The following KIAA0825 variants were observed in gnomAD, a reference collection of about 807,000 sequenced individuals.
KIAA0825 encodes KIAA0825, also known as uncharacterized protein KIAA0825.
In KIAA0825, 119 loss-of-function variants were observed where a neutral mutation model predicts 147.6. The ratio of observed to expected loss-of-function variants is 0.81; its 90% CI spans 0.69 to 0.94. The LOEUF (loss-of-function observed/expected upper bound fraction) is 0.94. Ranked by LOEUF, KIAA0825 falls within the 40% of genes least tolerant of loss-of-function variation. The pLI is 0.00. For missense variants in KIAA0825, 1,381 were observed against 1,472.7 expected (o/e 0.94, Z 1.02); for synonymous variants, 470 against 518.1 (o/e 0.91, Z 1.26).
At chr5:94,224,082 CTTTTTTTTTTTTTTTTT>C (rs869059424) in intron 20 of KIAA0825, among the ~76,000 whole-genome samples, 5 of 56,438 alleles carry the variant, frequency 8.9e-5, no homozygotes, top group African/African-American at 3.4e-4. Context: ...TTTTTCTTTT[CTTTTTTTTTTTTTTTTT>C]TTTTTTTTTT....
chr5:94,567,167 C>T (rs1301051776), intron 2 of KIAA0825, among the ~76,000 whole-genome samples: 1 of 152,104 alleles, frequency 6.6e-6, no homozygotes, highest in African/African-American at 2.4e-5. Flanking sequence ...GAGTGCTTAT[C>T]ATTGTTCAAT....
Position 94,499,442 on chromosome 5 carries a change from C to T in KIAA0825, c.971-14512G>A, listed in dbSNP as rs79756735. On this transcript the variant is annotated intron_variant, in intron 5 of 20. Coordinates refer to ENST00000682413, the MANE Select transcript of KIAA0825 (RefSeq NM_001145678.3). ...GCTCCTGCCCACCCTGCAACCAACA[C>T]GGTTCCATTTCATCTTGATCATCCT... Among the ~76,000 whole-genome samples, 629 of 152,264 alleles carry T rather than the reference C, an allele frequency of 4.1e-3. 3 individuals are homozygous for T. Among genetic ancestry groups the T allele is most frequent in the African/African-American group, 0.014 (591 of 41,540 alleles).
At chr5:94,277,651 T>A (rs1396473774) in intron 20 of KIAA0825, among the ~76,000 whole-genome samples, 1 of 152,210 alleles carries the variant, frequency 6.6e-6, no homozygotes, top group South Asian at 2.1e-4. Flanking sequence ...GCTTTTACAC[T>A]GTTGGTGGGA....
chr5:94,232,669 G>T (rs1002805536), intron 20 of KIAA0825, among the ~76,000 whole-genome samples: 1 of 151,978 alleles, frequency 6.6e-6, no homozygotes. Flanking sequence ...AGACACTTTT[G>T]TAATTGATAT....
At chr5:94,393,706 C>G (rs1554270672) in intron 17 of KIAA0825, among the ~76,000 whole-genome samples, 1 of 152,126 alleles carries the variant, frequency 6.6e-6, no homozygotes, top group Non-Finnish European at 1.5e-5. Context: ...CTACCTAATA[C>G]AGGCATCATG....
At chr5:94,528,242 T>C (rs1769748613) in intron 3 of KIAA0825, among the ~76,000 whole-genome samples, 1 of 152,226 alleles carries the variant, frequency 6.6e-6, no homozygotes. Context: ...TCATTGGTCA[T>C]CGGGACTATA....
intron 2 of KIAA0825, among the ~76,000 whole-genome samples, chr5:94,541,259 C>T (rs114617860): frequency 1.3e-5 from 2 of 152,246 alleles, no homozygotes; most frequent in Non-Finnish European, 2.9e-5. Flanking sequence ...GGGTCCCAGG[C>T]TCCACACCTA....
chr5:94,247,475 T>C (rs1775689416), intron 20 of KIAA0825, among the ~76,000 whole-genome samples: 1 of 152,124 alleles, frequency 6.6e-6, no homozygotes, highest in Non-Finnish European at 1.5e-5. Flanking sequence ...AAATGAGGCA[T>C]GTGCAGACCT....
In KIAA0825 at chr5:94,178,770, T is replaced by C. The variant is rs147569173; in HGVS notation, c.3711-24646A>G. Among the ~76,000 whole-genome samples the C allele has an allele frequency of 7.9e-5, 12 of 152,156 alleles. No individual in the cohort carries two copies. The East Asian group carries it at 2.3e-3, about 29-fold the overall frequency. ...TTTGGCCATGTATTAAAAAGTTAAATATACACCTACCATATCACCCAGTTA... is the reference window on the plus strand; with the variant it reads ...TTTGGCCATGTATTAAAAAGTTAAACATACACCTACCATATCACCCAGTTA... On this transcript the variant is annotated intron_variant, in intron 20 of 20. Coordinates refer to ENST00000682413, the MANE Select transcript of KIAA0825 (RefSeq NM_001145678.3).
chr5:94,488,114 G>T (rs1451865085), intron 5 of KIAA0825, among the ~76,000 whole-genome samples: 1 of 152,194 alleles, frequency 6.6e-6, no homozygotes, highest in Non-Finnish European at 1.5e-5. Flanking sequence ...AGTAGAGACG[G>T]TATTTCTCCA....
At chr5:94,560,765 T>C (rs1777407646) in intron 2 of KIAA0825, among the ~76,000 whole-genome samples, 1 of 152,214 alleles carries the variant, frequency 6.6e-6, no homozygotes, top group Non-Finnish European at 1.5e-5. Flanking sequence ...GATTTGGACA[T>C]TATTTCTTGC....
chr5:94,423,106 A>C (rs1754410182), intron 14 of KIAA0825, among the ~76,000 whole-genome samples: 1 of 152,262 alleles, frequency 6.6e-6, no homozygotes, highest in African/African-American at 2.4e-5. Context: ...TATTAGGGTA[A>C]GCTCTGCCAC....
Position 94,580,922 on chromosome 5 carries a change from T to A in KIAA0825, c.-2+1511A>T, listed in dbSNP as rs1005934365. 1.6e-3 allele frequency among the ~76,000 whole-genome samples: 165 copies of A among 100,482 alleles called. 14 individuals carry two copies. Among genetic ancestry groups the A allele is most frequent in the East Asian group, 8.5e-3 (25 of 2,930 alleles). 65.9% of individuals were successfully genotyped at this position (100,482 alleles called of 152,430 possible). A position where few individuals can be genotyped will look rare whatever the true frequency, so the allele number is the denominator to read the frequency against. ...AAAAAAAAAAAAAAAAAAAAAAAAATGCATAACACATAAGATTTTACTTTC... is the reference window on the plus strand; with the variant it reads ...AAAAAAAAAAAAAAAAAAAAAAAAAAGCATAACACATAAGATTTTACTTTC... On this transcript the variant is annotated intron_variant, in intron 2 of 20. Coordinates refer to ENST00000682413, the MANE Select transcript of KIAA0825 (RefSeq NM_001145678.3).
intron 20 of KIAA0825, among the ~76,000 whole-genome samples, chr5:94,374,103 C>T (rs926090197): frequency 3.9e-5 from 6 of 152,218 alleles, no homozygotes; most frequent in Non-Finnish European, 8.8e-5. Flanking sequence ...AAAGAATGTA[C>T]TCTATACAAG....
chr5:94,198,312 T>C (rs1322937757), intron 20 of KIAA0825, among the ~76,000 whole-genome samples: 1 of 152,172 alleles, frequency 6.6e-6, no homozygotes, highest in Non-Finnish European at 1.5e-5. Flanking sequence ...TGATTTTGTA[T>C]CCTGAATCTT....
intron 3 of KIAA0825, among the ~76,000 whole-genome samples, chr5:94,524,980 G>T (rs1044827615): frequency 7.9e-5 from 12 of 151,722 alleles, no homozygotes; most frequent in Non-Finnish European, 1.8e-4. Context: ...ATCTTTGTGG[G>T]GTAAACTGGT....
rs1584751520 is a variant in KIAA0825, at chr5:94,516,805, A to C, written c.970+3443T>G. Among the ~76,000 whole-genome samples the C allele has an allele frequency of 2.0e-5, 3 of 150,172 alleles. No homozygotes were observed. The East Asian group carries it at 5.9e-4, about 29-fold the overall frequency. On this transcript the variant is annotated intron_variant, in intron 5 of 20. Transcript: ENST00000682413. Reference sequence around the variant, plus strand: ...ACTCCGTCTCAAAAAAAAAAAAAAAAGAAAAGAAAACGTGGCCAGGCACGG... The same window carrying C: ...ACTCCGTCTCAAAAAAAAAAAAAAACGAAAAGAAAACGTGGCCAGGCACGG...
Position 94,219,204 on chromosome 5 carries a change from G to A in KIAA0825, c.3711-65080C>T, listed in dbSNP as rs1242191232. Among the ~76,000 whole-genome samples the A allele has an allele frequency of 2.0e-5, 3 of 152,052 alleles. No homozygotes were observed. The East Asian group carries it at 5.8e-4, about 29-fold the overall frequency. On this transcript the variant is annotated intron_variant, in intron 20 of 20. Transcript: ENST00000682413. ...TATATACATGTATATATTATTACGT[G>A]TAATATATACAGTGACAGATCATCA...
intron 13 of KIAA0825, among the ~76,000 whole-genome samples, chr5:94,445,010 C>T (rs1200716870): frequency 6.6e-6 from 1 of 152,128 alleles, no homozygotes; most frequent in Non-Finnish European, 1.5e-5. Context: ...AAGCAAGGCA[C>T]ATCTTACACG....
Sources: gnomAD v4.1 joint callset for allele counts (sites outside exome capture counted in the v4.1 genomes callset) on GRCh38, gnomAD v4.1.1 for gene constraint, MANE v1.5 for transcripts, NCBI Gene and HGNC (gene_info 2026-07-23, HGNC 2026-07-21) for gene names.